MSRA: variants seen among roughly 807,000 people sequenced by gnomAD.
MSRA encodes mitochondrial peptide methionine sulfoxide reductase.
Under a neutral mutation model 31.3 loss-of-function variants are expected in MSRA, and 54 were observed. That is an observed-to-expected ratio of 1.73 (90% confidence interval 1.39 to 2.17). The LOEUF (loss-of-function observed/expected upper bound fraction) is 2.17. Among genes scored for constraint, MSRA ranks in the 30% most tolerant of loss-of-function variants. The pLI, the probability that MSRA is intolerant of heterozygous loss-of-function variation, is 0.00. For missense variants in MSRA, 507 were observed against 300.9 expected, an observed-to-expected ratio of 1.69 and a Z score of -5.07; for synonymous variants, 169 against 116.5, an observed-to-expected ratio of 1.45 and a Z score of -2.90.
intron 1 of MSRA, among the ~76,000 whole-genome samples, chr8:10,099,120 A>AGG (rs1318678186): frequency 6.6e-6 from 1 of 152,118 alleles, no homozygotes; most frequent in African/African-American, 2.4e-5. Context: ...TGAGAGAGAG[A>AGG]GAGAGTGCAT....
At chr8:10,239,110 A>G (rs979741435) in intron 2 of MSRA, among the ~76,000 whole-genome samples, 2 of 152,222 alleles carry the variant, frequency 1.3e-5, no homozygotes, top group African/African-American at 2.4e-5. Context: ...TGAGTGGCCC[A>G]TATACTATGT....
intron 1 of MSRA, chr8:10,095,436 T>C (rs115962550): frequency 5.1e-6 from 5 of 982,400 alleles, no homozygotes; most frequent in Middle Eastern, 5.2e-4. Context: ...TTTCCTGTTT[T>C]CAAATGTATT....
Position 10,134,611 on chromosome 8 carries a change from T to C in MSRA, c.143-73222T>C, listed in dbSNP as rs1361083256. The stretch of plus-strand genomic sequence containing the variant: ...CGAGTCTAAGTTTACCCGTGACCTG[T>C]GGTCATTCTGTGGACGGCAGACCAG... On this transcript the variant is annotated intron_variant, in intron 1 of 5. Coordinates refer to ENST00000317173, the MANE Select transcript of MSRA (RefSeq NM_012331.5). Among the ~76,000 whole-genome samples, 3 of 152,308 alleles carry C rather than the reference T, an allele frequency of 2.0e-5. No individual in the cohort carries two copies. The East Asian group carries it at 5.8e-4, about 29-fold the overall frequency.
intron 1 of MSRA, among the ~76,000 whole-genome samples, chr8:10,126,408 A>C (rs563378595): frequency 1.3e-5 from 2 of 152,314 alleles, no homozygotes; most frequent in East Asian, 3.9e-4. Flanking sequence ...GGCACCAGGG[A>C]CTGGTTTCAT....
chr8:10,104,510 T>G (rs1799750450), intron 1 of MSRA, among the ~76,000 whole-genome samples: 1 of 152,030 alleles, frequency 6.6e-6, no homozygotes, highest in Admixed American at 6.6e-5. Flanking sequence ...GGCTTCTAGG[T>G]CATAGGTAGA....
intron 1 of MSRA, among the ~76,000 whole-genome samples, chr8:10,145,822 C>T (rs1020944294): frequency 3.3e-5 from 5 of 151,986 alleles, no homozygotes; most frequent in Admixed American, 3.3e-4. Context: ...ACACCCGCAT[C>T]TGCACGTGTG....
At position 10,298,864 on chromosome 8, in the gene MSRA, C is replaced by G. The variant is rs556447763; in HGVS notation, c.332-2670C>G. Reference sequence around the variant, plus strand: ...ATAATGACAGAGTGAATTTTTTGTGCATGTATATATCTTTTCTATTAGTTG... The same window carrying G: ...ATAATGACAGAGTGAATTTTTTGTGGATGTATATATCTTTTCTATTAGTTG... On this transcript the variant is annotated intron_variant, in intron 3 of 5. Transcript: ENST00000317173. Among the ~76,000 whole-genome samples, 10 of 152,156 alleles carry G rather than the reference C, an allele frequency of 6.6e-5. No individual in the cohort carries two copies. The East Asian group carries it at 1.7e-3, about 26-fold the overall frequency.
chr8:10,385,812 T>TGGGGGGG (rs112720423), intron 5 of MSRA, among the ~76,000 whole-genome samples: 1 of 145,772 alleles, frequency 6.9e-6, no homozygotes, highest in Non-Finnish European at 1.5e-5. Flanking sequence ...TGGTGGGGGG[T>TGGGGGGG]GGGGTGTCTT....
At chr8:10,350,077 T>A (rs111428285) in intron 5 of MSRA, among the ~76,000 whole-genome samples, 1 of 152,252 alleles carries the variant, frequency 6.6e-6, no homozygotes, top group South Asian at 2.1e-4. Flanking sequence ...AAACTTTCCA[T>A]TCTCCAGCTG....
chr8:10,327,058 AT>A (rs1440390856), intron 5 of MSRA, among the ~76,000 whole-genome samples: 1 of 152,210 alleles, frequency 6.6e-6, no homozygotes, highest in East Asian at 1.9e-4. Flanking sequence ...AGAAAGCACA[AT>A]GCTTTCTCTG....
At chr8:10,263,466 G>A (rs1798584105) in intron 3 of MSRA, among the ~76,000 whole-genome samples, 1 of 152,226 alleles carries the variant, frequency 6.6e-6, no homozygotes. Context: ...ATAGGTTAAT[G>A]CCATATGCAT....
chr8:10,291,116 A>C (rs917968553), intron 3 of MSRA, among the ~76,000 whole-genome samples: 1 of 152,212 alleles, frequency 6.6e-6, no homozygotes, highest in Non-Finnish European at 1.5e-5. Context: ...TACCAGTTAG[A>C]AACCTCCAGT....
At chr8:10,135,834 T>G (rs1019428126) in intron 1 of MSRA, among the ~76,000 whole-genome samples, 2 of 152,206 alleles carry the variant, frequency 1.3e-5, no homozygotes, top group African/African-American at 4.8e-5. Context: ...CCAAAGTGTT[T>G]CACAGGCCTA....
intron 1 of MSRA, among the ~76,000 whole-genome samples, chr8:10,065,735 C>T (rs542601838): frequency 4.6e-5 from 7 of 152,250 alleles, no homozygotes; most frequent in Admixed American, 3.3e-4. Flanking sequence ...CATTTGCTTC[C>T]GCTGTTGCCG....
chr8:10,278,901 C>T (rs1464019623), intron 3 of MSRA, among the ~76,000 whole-genome samples: 1 of 152,180 alleles, frequency 6.6e-6, no homozygotes, highest in Non-Finnish European at 1.5e-5. Context: ...AGCTGTAAGT[C>T]TTACTGGCAC....
chr8:10,387,391 C>G (rs1368719557), intron 5 of MSRA, among the ~76,000 whole-genome samples: 2 of 152,146 alleles, frequency 1.3e-5, no homozygotes, highest in East Asian at 3.8e-4. Context: ...GGAGAAAAGG[C>G]ATACCCATGT....
Position 10,261,371 on chromosome 8 carries a change from G to C in MSRA, c.331+16148G>C, listed in dbSNP as rs1798473089. On this transcript the variant is annotated intron_variant, in intron 3 of 5. Coordinates refer to ENST00000317173, the MANE Select transcript of MSRA (RefSeq NM_012331.5). ...TAAAATTGTTTCTGTCTTCATGAAGGGTATATAATCTGTTACTTAAAAAAA... is the reference window on the plus strand; with the variant it reads ...TAAAATTGTTTCTGTCTTCATGAAGCGTATATAATCTGTTACTTAAAAAAA... Among the ~76,000 whole-genome samples the C allele has an allele frequency of 2.0e-5, 3 of 146,770 alleles. No homozygotes were observed. In the South Asian group the frequency reaches 6.9e-4, roughly 34 times the overall value.
chr8:10,287,447 A>G (rs1799995267), intron 3 of MSRA, among the ~76,000 whole-genome samples: 2 of 152,216 alleles, frequency 1.3e-5, no homozygotes, highest in Non-Finnish European at 2.9e-5. Flanking sequence ...AATCTAAGGT[A>G]TCATCATCAT....
chr8:10,068,605 T>C (rs1192966113), intron 1 of MSRA, among the ~76,000 whole-genome samples: 1 of 152,248 alleles, frequency 6.6e-6, no homozygotes, highest in Admixed American at 6.5e-5. Flanking sequence ...TTGTCAAAGA[T>C]GAGTTGACCA....
Sources: gnomAD v4.1 joint callset for allele counts (sites outside exome capture counted in the v4.1 genomes callset) on GRCh38, gnomAD v4.1.1 for gene constraint, MANE v1.5 for transcripts, NCBI Gene and HGNC (gene_info 2026-07-23, HGNC 2026-07-21) for gene names.